Variants in APBA1 observed in about 807,000 individuals in gnomAD.
The protein encoded by APBA1 is amyloid-beta A4 precursor protein-binding family A member 1.
A neutral mutation model predicts 86.6 loss-of-function variants in APBA1; 55 were observed. That is an observed-to-expected ratio of 0.64 (90% CI 0.51 to 0.80). The LOEUF is 0.80. Ranked by LOEUF, APBA1 falls within the 30% of genes least tolerant of loss-of-function variation. APBA1 has a pLI of 0.00. For missense variants in APBA1, 1,090 were observed against 1,183.0 expected (o/e 0.92, Z 1.15); for synonymous variants, 511 against 493.9 (o/e 1.03, Z -0.46).
In APBA1 at chr9:69,457,157, A is replaced by T. The variant is rs879012268; in HGVS notation, c.1516-18T>A. 17 of 1,608,556 alleles carry T rather than the reference A, an allele frequency of 1.1e-5. No individual in the cohort carries two copies. Among genetic ancestry groups the T allele is most frequent in the Non-Finnish European group, 1.4e-5 (16 of 1,174,986 alleles). ...TCAGGAGCCTGAGAAGAAAAAATGC[A>T]CCAAGAGAAAGTTTGACCACACTAC... On this transcript the variant is annotated intron_variant, in intron 6 of 12. Transcript: ENST00000265381.
At chr9:69,485,596 G>A (rs1156433718) in intron 2 of APBA1, among the ~76,000 whole-genome samples, 1 of 152,074 alleles carries the variant, frequency 6.6e-6, no homozygotes, top group Non-Finnish European at 1.5e-5. Flanking sequence ...ATGTGCTTGT[G>A]AGGGTAGGAT....
At position 69,428,903 on chromosome 9, in the gene APBA1, TTC is replaced by T. The variant is rs1347358597; in HGVS notation, c.*2422_*2423del. ...CACAAAAGAATGTGGCAGAGAAATC[TTC>T]TCACTCTAATGTTACAATGTCAGTC... On this transcript the variant is annotated 3_prime_UTR_variant, in exon 13 of 13. Transcript: ENST00000265381. 1 of 152,218 alleles carries T rather than the reference TTC, an allele frequency of 6.6e-6. No homozygotes were observed. Among genetic ancestry groups the T allele is most frequent in the Non-Finnish European group, 1.5e-5 (1 of 68,028 alleles). The allele number at this position is 152,218 out of a possible 1,614,324, so 9.4% of individuals were successfully genotyped here.
At chr9:69,494,651 C>A (rs2133865066) in intron 2 of APBA1, 1 of 152,232 alleles carries the variant, frequency 6.6e-6, no homozygotes, top group African/African-American at 2.4e-5. Context: ...GTCTTTCATT[C>A]ATTTCCACAT....
At chr9:69,486,198 C>T (rs889986470) in intron 2 of APBA1, among the ~76,000 whole-genome samples, 1 of 151,998 alleles carries the variant, frequency 6.6e-6, no homozygotes, top group Non-Finnish European at 1.5e-5. Flanking sequence ...GTGATCCGCC[C>T]GCCTTGGCCT....
intron 2 of APBA1, among the ~76,000 whole-genome samples, chr9:69,489,988 G>C (rs1208340801): frequency 2.6e-5 from 4 of 152,188 alleles, no homozygotes; most frequent in African/African-American, 4.8e-5. Context: ...TATACCCAAA[G>C]GACTATAAAT....
chr9:69,660,703 A>G (rs566239278), intron 1 of APBA1, among the ~76,000 whole-genome samples: 19 of 152,366 alleles, frequency 1.2e-4, no homozygotes, highest in African/African-American at 4.6e-4. Context: ...CAGGAAACAT[A>G]CAAAAGCAAC....
intron 1 of APBA1, among the ~76,000 whole-genome samples, chr9:69,660,081 C>A (rs1339321584): frequency 2.0e-5 from 3 of 152,172 alleles, no homozygotes; most frequent in African/African-American, 4.8e-5. Flanking sequence ...ATGTGGAATA[C>A]CACAAACAGC....
intron 4 of APBA1, among the ~76,000 whole-genome samples, 171 bp downstream of exon 4, chr9:69,471,485 C>A (rs528649328): frequency 1.3e-5 from 2 of 152,316 alleles, no homozygotes; most frequent in East Asian, 3.9e-4. Context: ...TTCTGAGAGG[C>A]TCCCAGCTAT....
chr9:69,452,429 G>T lies in APBA1; in HGVS notation c.1789-128C>A. The T allele has an allele frequency of 1.5e-5, 13 of 870,250 alleles. No individual in the cohort carries two copies. The South Asian group carries it at 2.0e-4, about 13-fold the overall frequency. The allele number at this position is 870,250 out of a possible 1,614,324, so 53.9% of individuals were successfully genotyped here. A position where few individuals can be genotyped will look rare whatever the true frequency, so the allele number is the denominator to read the frequency against. On this transcript the variant is annotated intron_variant, in intron 8 of 12. Transcript: ENST00000265381. Reference sequence around the variant, plus strand: ...GAAACCCTAGACATCACGCCTGCTGGGCCAGTGGTTCTACGTGGGGCTACC... The same window carrying T: ...GAAACCCTAGACATCACGCCTGCTGTGCCAGTGGTTCTACGTGGGGCTACC...
At chr9:69,570,608 A>G (rs1346333778) in intron 1 of APBA1, among the ~76,000 whole-genome samples, 2 of 152,174 alleles carry the variant, frequency 1.3e-5, no homozygotes, top group African/African-American at 4.8e-5. Context: ...CTAGGAAAAA[A>G]CCTACCTTCT....
chr9:69,492,862 A>T (rs1281668422), intron 2 of APBA1, among the ~76,000 whole-genome samples: 4 of 152,120 alleles, frequency 2.6e-5, no homozygotes, highest in Non-Finnish European at 4.4e-5. Flanking sequence ...TCCTCCAACG[A>T]AACTCGGCAA....
intron 1 of APBA1, among the ~76,000 whole-genome samples, chr9:69,594,014 TA>T (rs1304784146): frequency 6.6e-6 from 1 of 152,158 alleles, no homozygotes; most frequent in African/African-American, 2.4e-5. Flanking sequence ...CTTCTGGCGT[TA>T]GATTCCGTAG....
intron 1 of APBA1, among the ~76,000 whole-genome samples, chr9:69,669,973 T>A (rs1230089930): frequency 2.6e-5 from 4 of 152,234 alleles, no homozygotes; most frequent in East Asian, 1.9e-4. Flanking sequence ...GACTTTTTTT[T>A]AAACCAAAAT....
intron 1 of APBA1, among the ~76,000 whole-genome samples, chr9:69,661,416 A>C (rs758404500): frequency 5.3e-5 from 8 of 152,160 alleles, no homozygotes; most frequent in Non-Finnish European, 1.0e-4. Context: ...AAGAGATGGG[A>C]AGGGCAGGTT....
chr9:69,612,288 A>C (rs1460661334), intron 1 of APBA1, among the ~76,000 whole-genome samples: 6 of 152,078 alleles, frequency 3.9e-5, no homozygotes, highest in Non-Finnish European at 7.4e-5. Context: ...AGTTTTTATA[A>C]GTAATCTAGG....
intron 2 of APBA1, among the ~76,000 whole-genome samples, chr9:69,512,304 G>C (rs527352434): frequency 1.8e-4 from 27 of 151,988 alleles, no homozygotes; most frequent in Admixed American, 1.4e-3. Flanking sequence ...TTATGGATTA[G>C]CAATCCCATT....
intron 1 of APBA1, among the ~76,000 whole-genome samples, chr9:69,628,459 C>A (rs940653694): frequency 3.3e-5 from 5 of 152,180 alleles, no homozygotes; most frequent in African/African-American, 4.8e-5. Flanking sequence ...TTAAACTGCC[C>A]ATCCTTAAAG....
chr9:69,456,576 A>G lies in APBA1; in HGVS notation c.1603-144T>C, dbSNP rs1479661417. 4 of 782,220 alleles carry G rather than the reference A, an allele frequency of 5.1e-6. No individual in the cohort carries two copies. In the East Asian group the frequency reaches 1.1e-4, roughly 21 times the overall value. The allele number at this position is 782,220 out of a possible 1,614,324, so 48.5% of individuals were successfully genotyped here. ...CTGCAAAGCCCATGCTGAGGGATCA[A>G]CGGATACCCACCCAGGCCGGAGGGC... On this transcript the variant is annotated intron_variant, in intron 7 of 12. Transcript: ENST00000265381.
intron 1 of APBA1, among the ~76,000 whole-genome samples, chr9:69,590,371 G>A (rs1042378061): frequency 6.6e-6 from 1 of 152,166 alleles, no homozygotes; most frequent in South Asian, 2.1e-4. Flanking sequence ...GGAGACTTTG[G>A]TTCTAGTCCT....
Sources: gnomAD v4.1 joint callset for allele counts (sites outside exome capture counted in the v4.1 genomes callset) on GRCh38, gnomAD v4.1.1 for gene constraint, MANE v1.5 for transcripts, NCBI Gene and HGNC (gene_info 2026-07-23, HGNC 2026-07-21) for gene names.